Variants in ITPR1 observed in about 807,000 individuals in gnomAD.
ITPR1 encodes inositol 1,4,5-trisphosphate receptor type 1.
ITPR1 carries 96 observed loss-of-function variants against 318.4 expected under a neutral mutation model. That is an observed-to-expected ratio of 0.30 (90% CI 0.26 to 0.36). The LOEUF is 0.36. Ranked by LOEUF, ITPR1 falls within the 10% of genes least tolerant of loss-of-function variation. The pLI, the probability that ITPR1 is intolerant of heterozygous loss-of-function variation, is 1.00. For missense variants in ITPR1, 2,440 were observed against 3,460.2 expected, an observed-to-expected ratio of 0.71 and a Z score of 7.40; for synonymous variants, 1,312 against 1,289.9, an observed-to-expected ratio of 1.02 and a Z score of -0.37.
Position 4,834,182 on chromosome 3 carries a change from C to G in ITPR1, c.8029-2592C>G, listed in dbSNP as rs543368197. Among the ~76,000 whole-genome samples the G allele has an allele frequency of 5.9e-5, 9 of 152,314 alleles. No individual in the cohort carries two copies. In the South Asian group the frequency reaches 1.0e-3, roughly 18 times the overall value. On this transcript the variant is annotated intron_variant, in intron 60 of 61. Transcript: ENST00000649015. Reference sequence around the variant, plus strand: ...CACTGGGATTACAGGCACCAGCCACCAGGACTGGCCTGTTAAAAAGAAAAT... The same window carrying G: ...CACTGGGATTACAGGCACCAGCCACGAGGACTGGCCTGTTAAAAAGAAAAT...
intron 30 of ITPR1, among the ~76,000 whole-genome samples, chr3:4,686,706 A>G (rs771316136): frequency 6.6e-6 from 1 of 152,234 alleles, no homozygotes; most frequent in African/African-American, 2.4e-5. Context: ...GGAATCCCCC[A>G]CAGGTAATCT....
At chr3:4,802,232 T>G (rs748296023) in intron 54 of ITPR1, among the ~76,000 whole-genome samples, 6 of 152,234 alleles carry the variant, frequency 3.9e-5, no homozygotes, top group Non-Finnish European at 8.8e-5. Flanking sequence ...TTCCCAAACT[T>G]ATTTTCCTGC....
intron 4 of ITPR1, among the ~76,000 whole-genome samples, chr3:4,545,691 CTTT>C (rs71623167): frequency 5.8e-5 from 6 of 103,380 alleles, no homozygotes; most frequent in Non-Finnish European, 9.7e-5. Context: ...AGTATGCAAA[CTTT>C]TTTTTTTTTT....
intron 4 of ITPR1, among the ~76,000 whole-genome samples, chr3:4,594,076 T>C (rs1407661389): frequency 6.6e-6 from 1 of 152,078 alleles, no homozygotes; most frequent in Non-Finnish European, 1.5e-5. Flanking sequence ...GAGGTGGCCA[T>C]AGGTAGAAGG....
chr3:4,617,736 C>G (rs542981892), intron 4 of ITPR1, among the ~76,000 whole-genome samples: 1 of 151,994 alleles, frequency 6.6e-6, no homozygotes, highest in Admixed American at 6.6e-5. Context: ...ATAATCCCAG[C>G]ACTTTGGGAG....
At chr3:4,768,438 G>A in intron 45 of ITPR1, 73 bp from the exon 46 acceptor site, 2 of 1,470,140 alleles carry the variant, frequency 1.4e-6, no homozygotes, top group South Asian at 1.4e-5. Context: ...AGGTTTCTGA[G>A]TGTCACCTTT....
In ITPR1 at chr3:4,710,886, A is replaced by C. The variant is rs948163405; in HGVS notation, c.4991+413A>C. Among the ~76,000 whole-genome samples the C allele has an allele frequency of 6.6e-6, 1 of 152,218 alleles. No homozygotes were observed. The highest frequency in any genetic ancestry group is 2.4e-5 in the African/African-American group (1 of 41,456). On this transcript the variant is annotated intron_variant, in intron 38 of 61. Coordinates refer to ENST00000649015, the MANE Select transcript of ITPR1 (RefSeq NM_001378452.1). The surrounding 1 kb of genome is among the most constrained non-coding windows in gnomAD (Gnocchi z 4.2). ...GCCTTGTGCGTAATCTGTAAGCAAC[A>C]AGCAGACCCATGGTTAGAAATCTCC... is the stretch of plus-strand genomic sequence containing the variant.
At chr3:4,759,589 G>A (rs544733320) in intron 44 of ITPR1, among the ~76,000 whole-genome samples, 14 of 152,328 alleles carry the variant, frequency 9.2e-5, no homozygotes, top group South Asian at 2.1e-4. Context: ...GTTTTCAAGT[G>A]CTGCTCTCCT....
At chr3:4,633,775 A>T (rs1248560727) in intron 5 of ITPR1, among the ~76,000 whole-genome samples, 3 of 152,196 alleles carry the variant, frequency 2.0e-5, no homozygotes, top group Non-Finnish European at 2.9e-5. Context: ...ACAAGCACCT[A>T]CATTGTTTTG....
At chr3:4,781,819 C>T (rs1207985395) in intron 49 of ITPR1, among the ~76,000 whole-genome samples, 1 of 151,960 alleles carries the variant, frequency 6.6e-6, no homozygotes, top group East Asian at 1.9e-4. Flanking sequence ...CTTGTGTTTA[C>T]AAAAAAATAA....
At chr3:4,788,175 C>T in intron 52 of ITPR1, 36 bp downstream of exon 52, 1 of 1,531,330 alleles carries the variant, frequency 6.5e-7, no homozygotes, top group Non-Finnish European at 8.9e-7. Flanking sequence ...CACAGAGAGA[C>T]ACAGTTCTGG....
intron 11 of ITPR1, 58 bp downstream of exon 11, chr3:4,652,276 C>A: frequency 8.4e-7 from 1 of 1,196,932 alleles, no homozygotes; most frequent in Non-Finnish European, 1.2e-6. Context: ...ACCGCCTTTC[C>A]TCATTCGCCT....
chr3:4,542,777 A>G (rs979424360), intron 4 of ITPR1, among the ~76,000 whole-genome samples: 1 of 152,148 alleles, frequency 6.6e-6, no homozygotes, highest in African/African-American at 2.4e-5. Context: ...TGGCACTAGT[A>G]TCATAATGGA....
chr3:4,545,412 C>A lies in ITPR1; in HGVS notation c.163+24318C>A, dbSNP rs376512736. Among the ~76,000 whole-genome samples the A allele has an allele frequency of 2.2e-4, 33 of 151,978 alleles. 1 individual carries two copies. Among genetic ancestry groups the A allele is most frequent in the African/African-American group, 7.7e-4 (32 of 41,468 alleles). On this transcript the variant is annotated intron_variant, in intron 4 of 61. Transcript: ENST00000649015. ...CCAAGATGTGAGGATCACTTGAGCCCAGGAGTTTGAGACCAGTCTGGGCAA... is the reference window on the plus strand; with the variant it reads ...CCAAGATGTGAGGATCACTTGAGCCAAGGAGTTTGAGACCAGTCTGGGCAA...
At chr3:4,559,381 G>A (rs1445242636) in intron 4 of ITPR1, among the ~76,000 whole-genome samples, 2 of 152,022 alleles carry the variant, frequency 1.3e-5, no homozygotes, top group Non-Finnish European at 2.9e-5. Flanking sequence ...GTTTTAATTG[G>A]CTTTTAAAAT....
intron 33 of ITPR1, 76 bp from the exon 34 acceptor site, chr3:4,697,071 C>A: frequency 7.3e-7 from 1 of 1,373,160 alleles, no homozygotes; most frequent in Non-Finnish European, 1.0e-6. Flanking sequence ...TCGGTCCTTG[C>A]TGTGAAGTTG....
intron 30 of ITPR1, 135 bp from the exon 31 acceptor site, chr3:4,688,360 G>A: frequency 2.1e-6 from 2 of 968,720 alleles, no homozygotes; most frequent in Non-Finnish European, 3.1e-6. Context: ...CAGCAGTGCA[G>A]CCCCTCAATA....
At chr3:4,825,700 C>T (rs899773234) in intron 60 of ITPR1, 15 of 456,068 alleles carry the variant, frequency 3.3e-5, no homozygotes, top group African/African-American at 1.8e-4. Context: ...TTAATACCTG[C>T]GTGTCACTAC....
At chr3:4,825,773 C>G (rs1240728853) in intron 60 of ITPR1, 2 of 456,666 alleles carry the variant, frequency 4.4e-6, no homozygotes, top group South Asian at 3.1e-5. Context: ...CCTGTGAAAT[C>G]TGCAGACACT....
Sources: allele counts gnomAD v4.1 joint callset (sites outside exome capture counted in the v4.1 genomes callset), GRCh38; gene constraint gnomAD v4.1.1; non-coding constraint Gnocchi (gnomAD v3.1); transcripts MANE v1.5; gene names NCBI Gene and HGNC (gene_info 2026-07-23, HGNC 2026-07-21).